Variants in CPOX observed in about 807,000 individuals in gnomAD.
The protein encoded by CPOX is coproporphyrinogen oxidase.
Under a neutral mutation model 48.9 loss-of-function variants are expected in CPOX, and 24 were observed. The ratio of observed to expected loss-of-function variants is 0.49; its 90% CI spans 0.36 to 0.69. The LOEUF is 0.69. Among genes scored for constraint, CPOX ranks in the 30% least tolerant of loss-of-function variants. CPOX has a pLI of 0.00. For missense variants in CPOX, 549 were observed against 597.3 expected (o/e 0.92, Z 0.84); for synonymous variants, 249 against 234.6 (o/e 1.06, Z -0.56).
Position 98,586,837 on chromosome 3 carries a change from G to C in CPOX, c.954-1178C>G, listed in dbSNP as rs548831322. Among the ~76,000 whole-genome samples the C allele has an allele frequency of 1.1e-3, 160 of 152,194 alleles. 1 individual carries two copies. Among genetic ancestry groups the C allele is most frequent in the African/African-American group, 3.8e-3 (157 of 41,520 alleles). ...TGGGCACCTGTAGTCCCAGCTACTC[G>C]GGAGGCTGAGGCAGGAGAATGGCGT... On this transcript the variant is annotated intron_variant, in intron 4 of 6. Transcript: ENST00000647941.
intron 4 of CPOX, among the ~76,000 whole-genome samples, chr3:98,586,408 T>G (rs1025448589): frequency 6.6e-6 from 1 of 152,192 alleles, no homozygotes; most frequent in Non-Finnish European, 1.5e-5. Context: ...AGTGAGTTCT[T>G]TATTCACCAA....
Position 98,593,546 on chromosome 3 carries a change from C to T in CPOX, c.-42G>A. ...CTGGAGCAGTGCCTGCGTCCCAGAG[C>T]CCTGCGTTTGAGCCCCCCACCCAGA... On this transcript the variant is annotated 5_prime_UTR_variant, in exon 1 of 7. Transcript: ENST00000647941. The T allele has an allele frequency of 1.3e-6, 2 of 1,505,282 alleles. No homozygotes were observed. The highest frequency in any genetic ancestry group is 1.8e-6 in the Non-Finnish European group (2 of 1,131,002). The allele number at this position is 1,505,282 out of a possible 1,614,324, so 93.2% of individuals were successfully genotyped here.
chr3:98,582,095 T>C (rs1042747878), intron 5 of CPOX, among the ~76,000 whole-genome samples: 2 of 152,240 alleles, frequency 1.3e-5, no homozygotes, highest in Non-Finnish European at 2.9e-5. Flanking sequence ...TGCAGATTAA[T>C]AGCAATCATA....
chr3:98,572,587 G>A, the CPOX span, among the ~76,000 whole-genome samples: 2 of 152,082 alleles, frequency 1.3e-5, no homozygotes, highest in Non-Finnish European at 2.9e-5. Context: ...GTAGTTTAAA[G>A]TCTCTCACTT....
At chr3:98,589,814 A>G (rs566070990) in intron 3 of CPOX, 10 of 152,518 alleles carry the variant, frequency 6.6e-5, no homozygotes, top group South Asian at 2.1e-4. Flanking sequence ...AGAGACACCA[A>G]TAAGAATAGG....
chr3:98,577,696 C>T (rs977247573), downstream of CPOX, among the ~76,000 whole-genome samples: 1 of 152,170 alleles, frequency 6.6e-6, no homozygotes, highest in African/African-American at 2.4e-5. Flanking sequence ...GTGGTTAGAA[C>T]AGAAAACCAC....
At chr3:98,583,522 C>T (rs1299748484) in intron 5 of CPOX, among the ~76,000 whole-genome samples, 1 of 152,088 alleles carries the variant, frequency 6.6e-6, no homozygotes, top group Non-Finnish European at 1.5e-5. Flanking sequence ...TAACTAATGC[C>T]TAAATTTTAT....
downstream of CPOX, among the ~76,000 whole-genome samples, chr3:98,576,154 G>C (rs544968566): frequency 7.9e-4 from 112 of 141,064 alleles, 3 homozygotes; most frequent in South Asian, 0.025. Flanking sequence ...CTGCTATAAA[G>C]AACTGCCCGA....
chr3:98,581,401 C>T lies in CPOX; in HGVS notation c.1277+6G>A. ...GGATAACTACTAAAATGAGTTATCT[C>T]CTTACCGGGCAGTTAGAGGTAAAGA... is the stretch of plus-strand genomic sequence containing the variant. On this transcript the variant is annotated splice_donor_region_variant and intron_variant, in intron 6 of 6. Coordinates refer to ENST00000647941, the MANE Select transcript of CPOX (RefSeq NM_000097.7). 1.9e-6 allele frequency: 3 copies of T among 1,603,524 alleles called. No homozygotes were observed. Among genetic ancestry groups the T allele is most frequent in the Non-Finnish European group, 2.6e-6 (3 of 1,170,678 alleles).
At chr3:98,578,706 G>T (rs1707196530), downstream of CPOX, among the ~76,000 whole-genome samples, 1 of 152,130 alleles carries the variant, frequency 6.6e-6, no homozygotes, top group South Asian at 2.1e-4. Context: ...GTACTTTTAT[G>T]TGTGGCTTTC....
rs1388547890 is a variant in CPOX at position 98,585,574 on chromosome 3, T to C, written c.1039A>G (p.Lys347Glu). Reference sequence around the variant, plus strand: ...TGTACAAAGCGAAACACCTCCTCCTTGGACGGAGAGTCAAGATCATCAAAA... The same window carrying C: ...TGTACAAAGCGAAACACCTCCTCCTCGGACGGAGAGTCAAGATCATCAAAA... ...IFFDDLDSPS[K>E]EEVFRFVQSC... Residue 347 changes from lysine to glutamate, a missense_variant, in exon 5 of 7, where the codon AAG (lysine) becomes GAG (glutamate). Transcript: ENST00000647941. 8.7e-6 allele frequency: 14 copies of C among 1,613,988 alleles called. No individual in the cohort carries two copies. The highest frequency in any genetic ancestry group is 2.2e-5 in the East Asian group (1 of 44,892).
intron 4 of CPOX, 178 bp from the exon 5 acceptor site, chr3:98,585,837 T>C (rs1707351865): frequency 7.6e-6 from 5 of 655,206 alleles, no homozygotes; most frequent in Non-Finnish European, 1.1e-5. Flanking sequence ...TTTGCAGATA[T>C]CACCAAGGTA....
At chr3:98,583,464 C>A (rs1244526742) in intron 5 of CPOX, among the ~76,000 whole-genome samples, 1 of 152,082 alleles carries the variant, frequency 6.6e-6, no homozygotes, top group East Asian at 1.9e-4. Context: ...TACATCTGTC[C>A]TCTCTGGGGT....
the CPOX span, among the ~76,000 whole-genome samples, chr3:98,572,528 G>T: frequency 6.6e-6 from 1 of 151,916 alleles, no homozygotes; most frequent in Non-Finnish European, 1.5e-5. Flanking sequence ...GATAGGATGG[G>T]TATGTTTGCT....
At chr3:98,587,903 G>A (rs975610639) in intron 4 of CPOX, among the ~76,000 whole-genome samples, 5 of 152,182 alleles carry the variant, frequency 3.3e-5, no homozygotes, top group Non-Finnish European at 5.9e-5. Context: ...TAAGTTCTGA[G>A]AGAGAGGAAA....
At chr3:98,571,989 A>G in the CPOX span, among the ~76,000 whole-genome samples, 1 of 152,130 alleles carries the variant, frequency 6.6e-6, no homozygotes, top group Non-Finnish European at 1.5e-5. Context: ...AATTTTGTCA[A>G]TTTTTATGAA....
intron 5 of CPOX, among the ~76,000 whole-genome samples, chr3:98,584,729 G>A (rs948417063): frequency 2.6e-5 from 4 of 152,186 alleles, no homozygotes; most frequent in East Asian, 1.9e-4. Context: ...CAAGTACACC[G>A]TGGCTGGAGA....
chr3:98,577,015 G>A (rs1192412892), downstream of CPOX, among the ~76,000 whole-genome samples: 1 of 152,062 alleles, frequency 6.6e-6, no homozygotes, highest in African/African-American at 2.4e-5. Context: ...GTGTTGAAAG[G>A]GTAGAAGAGA....
chr3:98,588,605 C>G (rs1181926828), intron 4 of CPOX, 108 bp downstream of exon 4: 6 of 1,166,514 alleles, frequency 5.1e-6, no homozygotes, highest in Non-Finnish European at 6.4e-6. Context: ...AGTAAGAAAA[C>G]TAGTTCCATT....
Sources: allele counts gnomAD v4.1 joint callset (sites outside exome capture counted in the v4.1 genomes callset), GRCh38; gene constraint gnomAD v4.1.1; transcripts MANE v1.5; gene names NCBI Gene and HGNC (gene_info 2026-07-23, HGNC 2026-07-21).